DPP10: variants seen among roughly 807,000 people sequenced by gnomAD.
The protein encoded by DPP10 is dipeptidyl peptidase like 10.
DPP10 carries 33 observed loss-of-function variants against 120.9 expected under a neutral mutation model. The observed-to-expected ratio is 0.27, with a 90% CI of 0.21 to 0.37. The LOEUF (loss-of-function observed/expected upper bound fraction) is 0.37, where lower values mean the gene tolerates loss of function less well. Ranked by LOEUF, DPP10 falls within the 10% of genes least tolerant of loss-of-function variation. The pLI is 1.00. For missense variants in DPP10, 816 were observed against 942.8 expected, an observed-to-expected ratio of 0.87 and a Z score of 1.76; for synonymous variants, 337 against 326.1, an observed-to-expected ratio of 1.03 and a Z score of -0.36.
chr2:114,644,643 A>G (rs1695983038), intron 1 of DPP10, among the ~76,000 whole-genome samples: 1 of 151,908 alleles, frequency 6.6e-6, no homozygotes, highest in East Asian at 1.9e-4. Flanking sequence ...CCAGGTTCAC[A>G]TTTTCAGCCT....
At chr2:115,256,824 C>G (rs78468859) in intron 1 of DPP10, among the ~76,000 whole-genome samples, 2,891 of 152,312 alleles carry the variant, frequency 0.019, 83 homozygotes, top group African/African-American at 0.064. Context: ...CCAACTTTAA[C>G]ATCAATTATT....
Position 114,835,081 on chromosome 2 carries a change from A to G in DPP10, c.60+392243A>G, listed in dbSNP as rs1360339378. The stretch of plus-strand genomic sequence containing the variant: ...ACCTATGTATATATAAGCCATATCT[A>G]CACACCTATGTATATATAAGCCATA... On this transcript the variant is annotated intron_variant, in intron 1 of 25. Coordinates refer to ENST00000410059, the MANE Select transcript of DPP10 (RefSeq NM_020868.6). 5 of 150,620 alleles carry G rather than the reference A, an allele frequency of 3.3e-5. No individual in the cohort carries two copies. In the East Asian group the frequency reaches 7.8e-4, roughly 23 times the overall value. The allele number at this position is 150,620 out of a possible 1,614,324, so 9.3% of individuals were successfully genotyped here.
intron 1 of DPP10, among the ~76,000 whole-genome samples, chr2:115,259,017 A>G (rs2059131321): frequency 6.6e-6 from 1 of 152,266 alleles, no homozygotes; most frequent in Non-Finnish European, 1.5e-5. Context: ...TTTCTCTTTT[A>G]TATAGAAGAA....
intron 1 of DPP10, among the ~76,000 whole-genome samples, chr2:115,209,039 G>C (rs952139874): frequency 6.6e-6 from 1 of 152,110 alleles, no homozygotes; most frequent in Non-Finnish European, 1.5e-5. Flanking sequence ...ATTTTGGCTA[G>C]CTCTAACTAT....
intron 3 of DPP10, among the ~76,000 whole-genome samples, chr2:115,378,785 C>G (rs1223237989): frequency 6.6e-6 from 1 of 152,080 alleles, no homozygotes; most frequent in Non-Finnish European, 1.5e-5. Context: ...TTGTCAAAGG[C>G]CTTTTCTGCA....
intron 1 of DPP10, among the ~76,000 whole-genome samples, chr2:114,664,645 A>G (rs987787113): frequency 2.2e-4 from 33 of 150,910 alleles, no homozygotes; most frequent in East Asian, 1.6e-3. Context: ...AAAAAAAAAA[A>G]AAAGAAAGAA....
chr2:115,421,091 T>A (rs2069908227), intron 3 of DPP10, among the ~76,000 whole-genome samples: 1 of 152,126 alleles, frequency 6.6e-6, no homozygotes, highest in African/African-American at 2.4e-5. Flanking sequence ...CCCTATTTTT[T>A]TTTTTTTACT....
chr2:114,512,959 G>C (rs1377673655), intron 1 of DPP10, among the ~76,000 whole-genome samples: 1 of 152,086 alleles, frequency 6.6e-6, no homozygotes, highest in Non-Finnish European at 1.5e-5. Flanking sequence ...ACATTTGACT[G>C]TTCAAGGAGT....
rs1047305301 is a variant in DPP10, at chr2:115,386,872, A to G, written c.271+42960A>G. 4.6e-5 allele frequency among the ~76,000 whole-genome samples: 7 copies of G among 151,986 alleles called. No homozygotes were observed. In the South Asian group the frequency reaches 1.2e-3, roughly 27 times the overall value. Reference sequence around the variant, plus strand: ...GCAATATGTTTATAATAATCAGTACATATTTGTTCATTACTTTTTAAGTAC... The same window carrying G: ...GCAATATGTTTATAATAATCAGTACGTATTTGTTCATTACTTTTTAAGTAC... On this transcript the variant is annotated intron_variant, in intron 3 of 25. Coordinates refer to ENST00000410059, the MANE Select transcript of DPP10 (RefSeq NM_020868.6).
chr2:115,175,431 T>TA (rs913037113), intron 1 of DPP10, among the ~76,000 whole-genome samples: 3 of 152,096 alleles, frequency 2.0e-5, no homozygotes, highest in African/African-American at 4.8e-5. Context: ...GAAATAAACA[T>TA]ATGAATGGGA....
chr2:115,781,608 A>G (rs554490387), intron 16 of DPP10, among the ~76,000 whole-genome samples: 3 of 152,056 alleles, frequency 2.0e-5, no homozygotes, highest in East Asian at 3.9e-4. Context: ...TATAATATGA[A>G]GAGTTGAGTG....
At chr2:115,219,984 T>A (rs556306636) in intron 1 of DPP10, among the ~76,000 whole-genome samples, 5 of 152,218 alleles carry the variant, frequency 3.3e-5, no homozygotes, top group Non-Finnish European at 7.3e-5. Flanking sequence ...GGTAGGATGA[T>A]GGCAGTGATT....
chr2:115,034,111 G>A (rs1426734090), intron 1 of DPP10, among the ~76,000 whole-genome samples: 1 of 151,438 alleles, frequency 6.6e-6, no homozygotes, highest in Non-Finnish European at 1.5e-5. Flanking sequence ...TGGCCAGGAT[G>A]GTCTTGATCT....
chr2:114,746,796 GA>G (rs1678622431), intron 1 of DPP10, among the ~76,000 whole-genome samples: 1 of 152,162 alleles, frequency 6.6e-6, no homozygotes, highest in African/African-American at 2.4e-5. Context: ...AATGGAAATG[GA>G]AACCTGAATG....
chr2:115,006,695 C>A (rs1280561019), intron 1 of DPP10, among the ~76,000 whole-genome samples: 1 of 151,586 alleles, frequency 6.6e-6, no homozygotes, highest in Non-Finnish European at 1.5e-5. Context: ...GCACCCAATA[C>A]AGGAGCACCC....
intron 1 of DPP10, among the ~76,000 whole-genome samples, chr2:114,649,920 T>A (rs1003375452): frequency 3.9e-5 from 6 of 152,176 alleles, no homozygotes; most frequent in African/African-American, 7.2e-5. Flanking sequence ...ATTTGACAAC[T>A]TTTTAACCAG....
chr2:114,733,794 C>T (rs1022667496), intron 1 of DPP10, among the ~76,000 whole-genome samples: 1 of 152,040 alleles, frequency 6.6e-6, no homozygotes, highest in African/African-American at 2.4e-5. Flanking sequence ...TTGAATATAA[C>T]GATCCAGAGA....
intron 3 of DPP10, among the ~76,000 whole-genome samples, chr2:115,418,140 A>G (rs1234164874): frequency 1.3e-5 from 2 of 152,164 alleles, no homozygotes; most frequent in Non-Finnish European, 2.9e-5. Context: ...GCATTTCTTG[A>G]TAGATTGGAT....
intron 1 of DPP10, among the ~76,000 whole-genome samples, chr2:114,984,117 C>T (rs902118842): frequency 6.6e-6 from 1 of 152,104 alleles, no homozygotes; most frequent in Non-Finnish European, 1.5e-5. Context: ...GACTTTCTGG[C>T]CCTGTACTTA....
Sources: allele counts gnomAD v4.1 joint callset (sites outside exome capture counted in the v4.1 genomes callset), GRCh38; gene constraint gnomAD v4.1.1; transcripts MANE v1.5; gene names NCBI Gene and HGNC (gene_info 2026-07-23, HGNC 2026-07-21).